Variants in ANK2 observed in about 807,000 individuals in gnomAD.
ANK2 encodes ankyrin 2, also known as ankyrin-2.
ANK2 carries 83 observed loss-of-function variants against 360.5 expected under a neutral mutation model. That is an observed-to-expected ratio of 0.23 (90% CI 0.19 to 0.28). The LOEUF (loss-of-function observed/expected upper bound fraction) is 0.28. Among genes scored for constraint, ANK2 ranks in the 10% least tolerant of loss-of-function variants. The pLI, the probability that ANK2 is intolerant of heterozygous loss-of-function variation, is 1.00. For missense variants in ANK2, 4,201 were observed against 4,795.7 expected, an observed-to-expected ratio of 0.88 and a Z score of 3.66; for synonymous variants, 1,740 against 1,759.5, an observed-to-expected ratio of 0.99 and a Z score of 0.28.
Position 113,353,482 on chromosome 4 carries a change from G to C in ANK2, c.4864G>C (p.Asp1622His), listed in dbSNP as rs2095543353. Residue 1622 changes from aspartate to histidine, a missense_variant, in exon 38 of 46, where the codon GAT becomes CAT. Asp to His is a moderately conservative substitution (Grantham distance 81, BLOSUM62 -1). Transcript: ENST00000357077. Reference sequence around the variant, plus strand: ...ATATCCATGTGTAGAAGTTAGAATAGATAAAGAGATCAAAGGAAAAGTAGA... The same window carrying C: ...ATATCCATGTGTAGAAGTTAGAATACATAAAGAGATCAAAGGAAAAGTAGA... ...TEYPCVEVRI[D>H]KEIKGKVEKD... 6.2e-7 allele frequency: 1 copy of C among 1,614,064 alleles called. No individual in the cohort carries two copies. Among genetic ancestry groups the C allele is most frequent in the Non-Finnish European group, 8.5e-7 (1 of 1,179,966 alleles).
At chr4:113,318,669 G>A (rs1164522017) in intron 26 of ANK2, 49 bp downstream of exon 26, 1 of 1,484,002 alleles carries the variant, frequency 6.7e-7, no homozygotes, top group Non-Finnish European at 9.3e-7. Flanking sequence ...AAAAGAGATG[G>A]GAGTGAAAAC....
At chr4:113,296,839 T>G (rs1410867338) in intron 22 of ANK2, among the ~76,000 whole-genome samples, 2 of 152,150 alleles carry the variant, frequency 1.3e-5, no homozygotes. Context: ...GACTCATCCT[T>G]CCGCTAATTG....
intron 1 of ANK2, among the ~76,000 whole-genome samples, chr4:113,115,500 C>A (rs1007453787): frequency 3.3e-5 from 5 of 152,108 alleles, no homozygotes; most frequent in African/African-American, 1.2e-4. Context: ...TTACTGTTTT[C>A]TTTGACTTTC....
chr4:112,819,786 G>C (rs1444910243), intron 1 of ANK2, among the ~76,000 whole-genome samples: 1 of 152,068 alleles, frequency 6.6e-6, no homozygotes, highest in East Asian at 1.9e-4. Context: ...CCATATTGTT[G>C]AGTGAAGCTA....
At chr4:112,810,139 ATATATATATATATATATATATTTTTTT>A in the ANK2 span, among the ~76,000 whole-genome samples, 2 of 34,660 alleles carry the variant, frequency 5.8e-5, no homozygotes, top group Non-Finnish European at 9.6e-5. Context: ...ATATATATAT[ATATATATATATATATATATATTTTTTT>A]TTTTTTTTTT....
the ANK2 span, among the ~76,000 whole-genome samples, chr4:112,753,400 C>T: frequency 5.9e-5 from 9 of 152,188 alleles, no homozygotes; most frequent in Non-Finnish European, 1.2e-4. Flanking sequence ...TGTACCTACA[C>T]AAACCTAGAT....
intron 14 of ANK2, among the ~76,000 whole-genome samples, chr4:113,265,882 C>T (rs2055702058): frequency 1.3e-5 from 2 of 152,212 alleles, no homozygotes; most frequent in East Asian, 1.9e-4. Context: ...ACAGTGTTAT[C>T]TTGGAATGAA....
At chr4:113,143,317 T>C (rs1486350043) in intron 1 of ANK2, among the ~76,000 whole-genome samples, 1 of 35,002 alleles carries the variant, frequency 2.9e-5, no homozygotes, top group Non-Finnish European at 5.8e-5. Flanking sequence ...ATGGGTATTG[T>C]ATTAATGAGA....
chr4:112,879,427 G>C (rs566169753), intron 1 of ANK2, among the ~76,000 whole-genome samples: 26 of 152,182 alleles, frequency 1.7e-4, no homozygotes, highest in Non-Finnish European at 2.9e-4. Context: ...CATGTGAGTG[G>C]CCCATTTTAG....
chr4:113,333,306 G>GTA, intron 29 of ANK2, 98 bp downstream of exon 29: 1 of 1,257,048 alleles, frequency 8.0e-7, no homozygotes. Flanking sequence ...ATATGTGTGT[G>GTA]TGTGTGTGTG....
Position 113,021,539 on chromosome 4 carries a change from A to ACACACACACACAC in ANK2, c.21+117025_21+117026insCACACACACACAC, listed in dbSNP as rs34948422. Among the ~76,000 whole-genome samples the ACACACACACACAC allele has an allele frequency of 7.4e-3, 808 of 108,636 alleles. 35 individuals carry two copies. Among genetic ancestry groups the ACACACACACACAC allele is most frequent in the Non-Finnish European group, 0.01 (538 of 52,660 alleles). 71.3% of individuals were successfully genotyped at this position (108,636 alleles called of 152,430 possible). On this transcript the variant is annotated intron_variant, in intron 2 of 30. Transcript: ENST00000503271. The stretch of plus-strand genomic sequence containing the variant: ...ATATACACACACACACCCACACACA[A>ACACACACACACAC]ACATATATATATATATATATATATA...
chr4:112,964,891 A>G (rs1008639406), intron 2 of ANK2, among the ~76,000 whole-genome samples: 8 of 152,116 alleles, frequency 5.3e-5, no homozygotes, highest in East Asian at 3.9e-4. Context: ...TTCTTTGTCC[A>G]TTAATCTGTT....
chr4:112,810,148 TA>T, the ANK2 span, among the ~76,000 whole-genome samples: 164 of 19,614 alleles, frequency 8.4e-3, 1 homozygote, highest in South Asian at 0.023. Flanking sequence ...TATATATATA[TA>T]TATATATATA....
At chr4:113,161,567 T>C (rs1047570665) in intron 1 of ANK2, among the ~76,000 whole-genome samples, 2 of 152,168 alleles carry the variant, frequency 1.3e-5, no homozygotes, top group Non-Finnish European at 2.9e-5. Context: ...GCAGGTCACA[T>C]CCAATGAGGA....
chr4:113,274,393 A>G, intron 14 of ANK2, 59 bp from the exon 15 acceptor site: 1 of 1,548,094 alleles, frequency 6.5e-7, no homozygotes, highest in Non-Finnish European at 8.9e-7. Flanking sequence ...TGAGTGAAAC[A>G]TATCACCAGT....
intron 2 of ANK2, among the ~76,000 whole-genome samples, chr4:112,941,469 A>C (rs2094202761): frequency 7.0e-6 from 1 of 143,840 alleles, no homozygotes; most frequent in Admixed American, 7.0e-5. Context: ...ATATATCTTT[A>C]TATATAGATA....
intron 1 of ANK2, among the ~76,000 whole-genome samples, chr4:112,880,064 T>A (rs368515701): frequency 0.011 from 1,601 of 148,372 alleles, 16 homozygotes; most frequent in African/African-American, 0.028. Flanking sequence ...ACACACACAC[T>A]CTCTCTCTCT....
chr4:112,915,065 A>G (rs2089269344), intron 2 of ANK2, among the ~76,000 whole-genome samples: 1 of 152,324 alleles, frequency 6.6e-6, no homozygotes, highest in Admixed American at 6.5e-5. Context: ...TTATGACTAA[A>G]TTTAGGGCCT....
chr4:112,947,311 C>T (rs2094607215), intron 2 of ANK2, among the ~76,000 whole-genome samples: 1 of 152,100 alleles, frequency 6.6e-6, no homozygotes, highest in South Asian at 2.1e-4. Context: ...CCTGCTATCA[C>T]CTAAGGTGCT....
Sources: gnomAD v4.1 joint callset for allele counts (sites outside exome capture counted in the v4.1 genomes callset) on GRCh38, gnomAD v4.1.1 for gene constraint, MANE v1.5 for transcripts, NCBI Gene and HGNC (gene_info 2026-07-23, HGNC 2026-07-21) for gene names.